ANO2: variants seen among roughly 807,000 people sequenced by gnomAD.
ANO2 encodes the protein anoctamin-2.
ANO2 carries 101 observed loss-of-function variants against 124.2 expected under a neutral mutation model. The ratio of observed to expected loss-of-function variants is 0.81; its 90% CI spans 0.69 to 0.96. The LOEUF (loss-of-function observed/expected upper bound fraction) is 0.96, where lower values mean the gene tolerates loss of function less well. Ranked by LOEUF, ANO2 falls within the 40% of genes least tolerant of loss-of-function variation. The probability of loss-of-function intolerance (pLI) is 0.00; values close to 1 mark genes in which losing one functional copy is unlikely to be tolerated. For missense variants in ANO2, 1,293 were observed against 1,274.5 expected (o/e 1.01, Z -0.22); for synonymous variants, 486 against 482.5 (o/e 1.01, Z -0.09).
intron 7 of ANO2, among the ~76,000 whole-genome samples, chr12:5,817,586 G>A (rs1461140657): frequency 6.6e-6 from 1 of 152,140 alleles, no homozygotes; most frequent in Admixed American, 6.5e-5. Context: ...TTTGATGTGG[G>A]GATAGGCATC....
At chr12:5,847,987 T>C (rs576897811) in intron 4 of ANO2, among the ~76,000 whole-genome samples, 18 of 152,344 alleles carry the variant, frequency 1.2e-4, no homozygotes, top group African/African-American at 4.3e-4. Context: ...CGAACCGTTA[T>C]CTTTGAACCC....
chr12:5,923,535 T>C (rs1389168741), intron 1 of ANO2, among the ~76,000 whole-genome samples: 1 of 152,184 alleles, frequency 6.6e-6, no homozygotes, highest in African/African-American at 2.4e-5. Flanking sequence ...GGGGGTCCTC[T>C]GAACAACTGA....
At chr12:5,807,460 C>G in intron 7 of ANO2, 92 bp from the exon 8 acceptor site, 6 of 1,112,850 alleles carry the variant, frequency 5.4e-6, no homozygotes, top group Non-Finnish European at 7.7e-6. Context: ...TTCACATGCC[C>G]CCCCAGTTGA....
intron 4 of ANO2, among the ~76,000 whole-genome samples, chr12:5,838,832 G>A (rs1462592791): frequency 1.3e-5 from 2 of 152,198 alleles, no homozygotes; most frequent in Non-Finnish European, 2.9e-5. Context: ...CGGAGAGCAG[G>A]GACCCTGCCT....
chr12:5,776,673 T>C (rs1952240909), intron 10 of ANO2, among the ~76,000 whole-genome samples: 1 of 152,200 alleles, frequency 6.6e-6, no homozygotes, highest in South Asian at 2.1e-4. Flanking sequence ...TGAGTAACCT[T>C]TGCCTGGACT....
chr12:5,834,871 C>T (rs1954269297), intron 4 of ANO2, among the ~76,000 whole-genome samples: 1 of 152,138 alleles, frequency 6.6e-6, no homozygotes. Context: ...AACTAGGTTC[C>T]TTCCTAAGCA....
chr12:5,682,318 T>G (rs940121890), intron 14 of ANO2, among the ~76,000 whole-genome samples: 1 of 148,746 alleles, frequency 6.7e-6, no homozygotes, highest in Non-Finnish European at 1.5e-5. Flanking sequence ...CTCTGATCTA[T>G]CTATCTCTCT....
chr12:5,744,459 G>A (rs1565634502), intron 11 of ANO2, 142 bp from the exon 12 acceptor site: 2 of 917,436 alleles, frequency 2.2e-6, no homozygotes, highest in South Asian at 1.7e-5. Flanking sequence ...AAAGAAGTTA[G>A]CATTGTATTC....
chr12:5,597,462 G>C (rs1943720345), intron 20 of ANO2, among the ~76,000 whole-genome samples: 2 of 152,170 alleles, frequency 1.3e-5, no homozygotes, highest in African/African-American at 4.8e-5. Context: ...GTAGTCCACA[G>C]TGTACTACGT....
chr12:5,917,394 C>G (rs577759929), intron 3 of ANO2, among the ~76,000 whole-genome samples: 1 of 152,084 alleles, frequency 6.6e-6, no homozygotes, highest in South Asian at 2.1e-4. Context: ...TGAACTGAAA[C>G]TCAAATTTAA....
intron 5 of ANO2, 145 bp downstream of exon 5, chr12:5,832,307 T>C (rs1954176383): frequency 3.3e-6 from 3 of 908,980 alleles, no homozygotes; most frequent in Non-Finnish European, 4.9e-6. Context: ...ACAGGGACAA[T>C]GTCACCATGA....
intron 14 of ANO2, among the ~76,000 whole-genome samples, chr12:5,724,012 C>A (rs1950338097): frequency 1.3e-5 from 2 of 152,136 alleles, no homozygotes; most frequent in South Asian, 4.1e-4. Flanking sequence ...TCTGCCAATT[C>A]TTCCTCAGCT....
intron 11 of ANO2, among the ~76,000 whole-genome samples, chr12:5,745,459 G>A (rs759444499): frequency 6.6e-6 from 1 of 152,210 alleles, no homozygotes; most frequent in South Asian, 2.1e-4. Context: ...AGCAGAGGGC[G>A]CTAGAGAGCA....
intron 3 of ANO2, among the ~76,000 whole-genome samples, chr12:5,914,079 A>T (rs910993092): frequency 6.6e-6 from 1 of 152,170 alleles, no homozygotes; most frequent in East Asian, 1.9e-4. Context: ...GTGCACCTGT[A>T]ATCCCAGCTA....
chr12:5,825,722 A>G (rs1373380863), intron 7 of ANO2, among the ~76,000 whole-genome samples: 1 of 152,196 alleles, frequency 6.6e-6, no homozygotes, highest in Non-Finnish European at 1.5e-5. Flanking sequence ...AGAGGTAAGG[A>G]AGAGTGTACA....
chr12:5,849,426 G>A (rs183916738), intron 4 of ANO2, among the ~76,000 whole-genome samples: 87 of 152,354 alleles, frequency 5.7e-4, no homozygotes, highest in Non-Finnish European at 1.0e-3. Flanking sequence ...ACGATCTCTA[G>A]AAGAGCCATC....
intron 14 of ANO2, among the ~76,000 whole-genome samples, chr12:5,726,971 G>A (rs1393010408): frequency 6.6e-6 from 1 of 152,106 alleles, no homozygotes; most frequent in Non-Finnish European, 1.5e-5. Context: ...CTACCCCGGG[G>A]TCCTTATATA....
chr12:5,803,579 T>C (rs933074364), intron 9 of ANO2, among the ~76,000 whole-genome samples: 17 of 151,822 alleles, frequency 1.1e-4, no homozygotes, highest in African/African-American at 4.1e-4. Flanking sequence ...GAGCAGATGG[T>C]GACAGCCACT....
At chr12:5,934,517 T>C (rs1371463893) in intron 1 of ANO2, among the ~76,000 whole-genome samples, 2 of 152,230 alleles carry the variant, frequency 1.3e-5, no homozygotes, top group Non-Finnish European at 2.9e-5. Context: ...CTTCTCTCAA[T>C]GACAAAATTT....
Sources: allele counts gnomAD v4.1 joint callset (sites outside exome capture counted in the v4.1 genomes callset), GRCh38; gene constraint gnomAD v4.1.1; transcripts MANE v1.5; gene names NCBI Gene and HGNC (gene_info 2026-07-23, HGNC 2026-07-21).